PPFIBP2: variants seen among roughly 807,000 people sequenced by gnomAD.
PPFIBP2 encodes liprin-beta-2.
A neutral mutation model predicts 118.3 loss-of-function variants in PPFIBP2; 118 were observed. The observed-to-expected ratio is 1.00, with a 90% CI of 0.86 to 1.16. The LOEUF (loss-of-function observed/expected upper bound fraction) is 1.16, where lower values mean the gene tolerates loss of function less well. Ranked by LOEUF, PPFIBP2 falls within the 50% of genes most tolerant of loss-of-function variation. The pLI is 0.00. For synonymous variants in PPFIBP2, 414 were observed against 397.4 expected, an observed-to-expected ratio of 1.04 and a Z score of -0.50; for missense variants, 1,195 against 1,073.1, an observed-to-expected ratio of 1.11 and a Z score of -1.59.
At chr11:7,605,949 T>C in intron 5 of PPFIBP2, 1 of 1,532,120 alleles carries the variant, frequency 6.5e-7, no homozygotes, top group East Asian at 2.5e-5. Flanking sequence ...GAAGCCAGAG[T>C]GGATACTGAA....
downstream of PPFIBP2, among the ~76,000 whole-genome samples, chr11:7,654,562 G>A (rs1440348550): frequency 6.6e-6 from 1 of 152,232 alleles, no homozygotes; most frequent in African/African-American, 2.4e-5. Flanking sequence ...GTTGCCACAG[G>A]CCACTGCCTC....
Position 7,653,163 on chromosome 11 carries a change from GC to G in PPFIBP2, c.2581del (p.Asp862MetfsTer38). On this transcript the variant is annotated frameshift_variant, in exon 24 of 24. Transcript: ENST00000299492. LOFTEE classifies it high-confidence loss of function. ...GTCTACAGTGGCTACCGGGGCCTCA[GC>G]CCCCTTGATGCCCCTGAACTGGATG... ...HRVYSGYRGL[S>X]PLDAPELDGL... 2 of 1,614,194 alleles carry G rather than the reference GC, an allele frequency of 1.2e-6. No individual in the cohort carries two copies. The highest frequency in any genetic ancestry group is 2.2e-5 in the East Asian group (1 of 44,884).
intron 3 of PPFIBP2, chr11:7,577,490 G>A (rs924637197): frequency 6.7e-6 from 3 of 445,892 alleles, no homozygotes; most frequent in Non-Finnish European, 1.4e-5. Context: ...GAGTTCTTGA[G>A]GGGGGAGGGG....
intron 21 of PPFIBP2, among the ~76,000 whole-genome samples, chr11:7,650,276 A>C (rs2136008049): frequency 6.6e-6 from 1 of 152,298 alleles, no homozygotes; most frequent in South Asian, 2.1e-4. Context: ...CCTTGCTGTA[A>C]AATTAACTCA....
At chr11:7,541,161 A>T (rs1429987969) in intron 1 of PPFIBP2, among the ~76,000 whole-genome samples, 1 of 152,226 alleles carries the variant, frequency 6.6e-6, no homozygotes, top group African/African-American at 2.4e-5. Context: ...GAATCACCCG[A>T]ATGGCTAGAT....
chr11:7,604,214 G>A (rs1195383908), intron 5 of PPFIBP2, among the ~76,000 whole-genome samples: 1 of 152,186 alleles, frequency 6.6e-6, no homozygotes, highest in Admixed American at 6.5e-5. Flanking sequence ...AAAAAGAAAG[G>A]TCAGGAAAAC....
the PPFIBP2 span, among the ~76,000 whole-genome samples, chr11:7,663,942 C>G: frequency 1.3e-5 from 2 of 152,160 alleles, no homozygotes; most frequent in African/African-American, 2.4e-5. Flanking sequence ...TTCTTTGACT[C>G]GGAAAGGGAA....
intron 3 of PPFIBP2, chr11:7,574,170 T>C (rs1308873025): frequency 6.6e-6 from 1 of 152,278 alleles, no homozygotes; most frequent in Non-Finnish European, 1.5e-5. Context: ...CCTGCCCTTT[T>C]CCCACAGCTG....
rs1200119775 is a variant in PPFIBP2 at position 7,577,395 on chromosome 11, C to T, written c.279+11628C>T. 1.6e-5 allele frequency: 6 copies of T among 366,360 alleles called. No individual in the cohort carries two copies. The East Asian group carries it at 2.2e-4, about 14-fold the overall frequency. 22.7% of individuals were successfully genotyped at this position (366,360 alleles called of 1,614,324 possible). On this transcript the variant is annotated intron_variant, in intron 3 of 23. Transcript: ENST00000299492. ...GAGGACACTGAAGCAGCACGGTCTG[C>T]TCTGTGTCGCTGTGTGTCTGAAACT...
At chr11:7,518,704 C>T (rs926585368) in intron 1 of PPFIBP2, among the ~76,000 whole-genome samples, 3 of 152,090 alleles carry the variant, frequency 2.0e-5, no homozygotes, top group East Asian at 3.9e-4. Context: ...GAGGTAGGGT[C>T]GTCTGGAAAT....
intron 4 of PPFIBP2, among the ~76,000 whole-genome samples, chr11:7,596,097 C>G (rs1041437490): frequency 6.6e-6 from 1 of 152,180 alleles, no homozygotes; most frequent in African/African-American, 2.4e-5. Flanking sequence ...GAACAATTAG[C>G]TATAGAATGC....
chr11:7,645,579 G>C (rs1395622420), intron 17 of PPFIBP2, among the ~76,000 whole-genome samples: 1 of 152,182 alleles, frequency 6.6e-6, no homozygotes, highest in Non-Finnish European at 1.5e-5. Context: ...CCTGGCTGAG[G>C]ATATGGGAGA....
chr11:7,665,546 C>T, the PPFIBP2 span: 16 of 1,599,176 alleles, frequency 1.0e-5, no homozygotes, highest in South Asian at 3.4e-5. Flanking sequence ...GTACTTCCAG[C>T]CTGAAATGAA....
chr11:7,644,330 T>C (rs1177674158), intron 17 of PPFIBP2, among the ~76,000 whole-genome samples: 1 of 152,360 alleles, frequency 6.6e-6, no homozygotes, highest in East Asian at 1.9e-4. Context: ...TTCTGTGATT[T>C]TTAAAAACTT....
chr11:7,526,708 TA>T (rs1850262021), intron 1 of PPFIBP2, among the ~76,000 whole-genome samples: 1 of 152,012 alleles, frequency 6.6e-6, no homozygotes, highest in Non-Finnish European at 1.5e-5. Flanking sequence ...CCATCTCTAC[TA>T]AAATACAAAA....
chr11:7,649,816 T>C (rs1853702338), intron 21 of PPFIBP2, among the ~76,000 whole-genome samples, 162 bp downstream of exon 21: 1 of 152,232 alleles, frequency 6.6e-6, no homozygotes, highest in African/African-American at 2.4e-5. Context: ...AAACATCCGT[T>C]ACCTGCACTT....
At position 7,545,594 on chromosome 11, in the gene PPFIBP2, C is replaced by T. The variant is rs73409025; in HGVS notation, c.-36-3846C>T. 6.5e-3 allele frequency among the ~76,000 whole-genome samples: 995 copies of T among 152,210 alleles called. 8 individuals are homozygous for T. Among genetic ancestry groups the T allele is most frequent in the African/African-American group, 0.023 (946 of 41,526 alleles). On this transcript the variant is annotated intron_variant, in intron 1 of 23. Transcript: ENST00000299492. The stretch of plus-strand genomic sequence containing the variant: ...AGAGGTCTGTAGATACAGGAAACAT[C>T]GTATTCTATATATAGGGCTTGGTAC...
At chr11:7,656,318 C>T (rs545240162), downstream of PPFIBP2, among the ~76,000 whole-genome samples, 2 of 152,304 alleles carry the variant, frequency 1.3e-5, no homozygotes, top group South Asian at 4.1e-4. Context: ...GCTTGCTTGT[C>T]TAGCAAGGCC....
downstream of PPFIBP2, chr11:7,656,944 G>C (rs1854742548): frequency 1.9e-6 from 1 of 517,104 alleles, no homozygotes; most frequent in Non-Finnish European, 3.3e-6. Context: ...GCATGAAGCA[G>C]AGCTGTGGGA....
Sources: gnomAD v4.1 joint callset for allele counts (sites outside exome capture counted in the v4.1 genomes callset) on GRCh38, gnomAD v4.1.1 for gene constraint, MANE v1.5 for transcripts, NCBI Gene and HGNC (gene_info 2026-07-23, HGNC 2026-07-21) for gene names.